Variants in ADAMTSL1 observed in about 807,000 individuals in gnomAD.
The protein encoded by ADAMTSL1 is ADAMTS like 1, also known as ADAMTS-like protein 1.
Under a neutral mutation model 201.8 loss-of-function variants are expected in ADAMTSL1, and 126 were observed. The ratio of observed to expected loss-of-function variants is 0.62; its 90% confidence interval spans 0.54 to 0.72. ADAMTSL1 has a LOEUF of 0.72. Among genes scored for constraint, ADAMTSL1 ranks in the 30% least tolerant of loss-of-function variants. ADAMTSL1 has a pLI of 0.00. For synonymous variants in ADAMTSL1, 1,121 were observed against 903.4 expected (o/e 1.24, Z -4.32); for missense variants, 2,679 against 2,277.8 (o/e 1.18, Z -3.59).
intron 2 of ADAMTSL1, among the ~76,000 whole-genome samples, chr9:18,427,684 A>T (rs1819287338): frequency 6.6e-6 from 1 of 152,234 alleles, no homozygotes; most frequent in Non-Finnish European, 1.5e-5. Flanking sequence ...GCAGGAGCCC[A>T]GGACCTGCCT....
intron 2 of ADAMTSL1, among the ~76,000 whole-genome samples, chr9:18,429,559 A>G (rs999690307): frequency 2.1e-4 from 32 of 152,216 alleles, no homozygotes; most frequent in African/African-American, 6.3e-4. Context: ...ACCCAGAACA[A>G]TGCTTCCAGG....
intron 2 of ADAMTSL1, among the ~76,000 whole-genome samples, chr9:18,227,243 A>C (rs1830464453): frequency 6.6e-6 from 1 of 152,082 alleles, no homozygotes; most frequent in East Asian, 1.9e-4. Context: ...TATATTTTTC[A>C]ACTCAGCAGT....
chr9:18,138,195 G>C, intron 1 of ADAMTSL1, among the ~76,000 whole-genome samples: 1 of 152,160 alleles, frequency 6.6e-6, no homozygotes, highest in Admixed American at 6.6e-5. Context: ...AGTATTAAAT[G>C]AGGCAATATG....
chr9:17,925,832 G>T (rs1371800243), intron 1 of ADAMTSL1, among the ~76,000 whole-genome samples: 5 of 137,226 alleles, frequency 3.6e-5, no homozygotes, highest in African/African-American at 1.3e-4. Flanking sequence ...ATGTGCACAT[G>T]TACCCTAAAA....
chr9:18,834,038 T>C (rs4497057), intron 23 of ADAMTSL1, among the ~76,000 whole-genome samples: 9,152 of 152,264 alleles, frequency 0.06, 315 homozygotes, highest in East Asian at 0.17. Context: ...TTCTGTTCCA[T>C]TGGCCTATGT....
chr9:18,442,361 T>G (rs1310064538), intron 2 of ADAMTSL1, among the ~76,000 whole-genome samples: 1 of 152,228 alleles, frequency 6.6e-6, no homozygotes, highest in Non-Finnish European at 1.5e-5. Context: ...ACTTTCATTC[T>G]CTAACATTTT....
chr9:18,526,823 C>A (rs997803817), intron 2 of ADAMTSL1, among the ~76,000 whole-genome samples: 2 of 152,116 alleles, frequency 1.3e-5, no homozygotes, highest in African/African-American at 4.8e-5. Flanking sequence ...TACTTAAAAT[C>A]CCTTGGTGGG....
At chr9:18,213,983 C>T (rs1009772707) in intron 2 of ADAMTSL1, among the ~76,000 whole-genome samples, 2 of 152,096 alleles carry the variant, frequency 1.3e-5, no homozygotes, top group Non-Finnish European at 2.9e-5. Flanking sequence ...GCAATCTACC[C>T]GCCTGGGCCT....
chr9:18,275,447 A>G (rs1054330699), intron 2 of ADAMTSL1, among the ~76,000 whole-genome samples: 4 of 152,154 alleles, frequency 2.6e-5, no homozygotes, highest in Non-Finnish European at 5.9e-5. Flanking sequence ...CACCAACCAC[A>G]GTCAAGTTTC....
chr9:18,851,851 C>T (rs1563858329), intron 23 of ADAMTSL1, among the ~76,000 whole-genome samples: 1 of 152,208 alleles, frequency 6.6e-6, no homozygotes. Flanking sequence ...ACCATTTTGC[C>T]TCTTAGTGTA....
chr9:18,899,602 A>G (rs1829879701), intron 26 of ADAMTSL1, among the ~76,000 whole-genome samples: 1 of 152,230 alleles, frequency 6.6e-6, no homozygotes, highest in South Asian at 2.1e-4. Context: ...ATATAGACCA[A>G]TGAAACCGAA....
chr9:18,482,012 A>T (rs1160047177), intron 1 of ADAMTSL1, among the ~76,000 whole-genome samples: 1 of 152,196 alleles, frequency 6.6e-6, no homozygotes, highest in Non-Finnish European at 1.5e-5. Flanking sequence ...AAACAAATAG[A>T]TTCCATTTGG....
At chr9:18,902,894 C>G (rs1830090003) in intron 26 of ADAMTSL1, among the ~76,000 whole-genome samples, 1 of 152,102 alleles carries the variant, frequency 6.6e-6, no homozygotes, top group African/African-American at 2.4e-5. Context: ...GGAGACATTA[C>G]TACCAGTCTT....
At chr9:18,583,586 C>G (rs1277184561) in intron 4 of ADAMTSL1, among the ~76,000 whole-genome samples, 3 of 152,178 alleles carry the variant, frequency 2.0e-5, no homozygotes, top group Non-Finnish European at 4.4e-5. Flanking sequence ...GGCCACCATC[C>G]TCCAGACGCA....
intron 1 of ADAMTSL1, among the ~76,000 whole-genome samples, chr9:17,927,149 C>T (rs1460737387): frequency 6.6e-6 from 1 of 152,182 alleles, no homozygotes; most frequent in African/African-American, 2.4e-5. Context: ...GTTGGAATCA[C>T]ACAGTATTTG....
At chr9:18,752,279 T>C (rs1819512975) in intron 15 of ADAMTSL1, among the ~76,000 whole-genome samples, 1 of 152,126 alleles carries the variant, frequency 6.6e-6, no homozygotes, top group African/African-American at 2.4e-5. Flanking sequence ...AGGAAAAGAT[T>C]GAGTGCATAC....
intron 1 of ADAMTSL1, among the ~76,000 whole-genome samples, chr9:17,925,560 A>C (rs1826489692): frequency 8.9e-6 from 1 of 112,430 alleles, no homozygotes; most frequent in African/African-American, 3.0e-5. Flanking sequence ...TTGTAGGGAC[A>C]TGGATGACAT....
chr9:18,035,796 A>G (rs1006015502), intron 1 of ADAMTSL1, among the ~76,000 whole-genome samples: 1 of 152,136 alleles, frequency 6.6e-6, no homozygotes, highest in African/African-American at 2.4e-5. Flanking sequence ...ATATACCCAG[A>G]ATGATGCTGT....
At chr9:18,099,356 T>TATATATATATATATATATATATATATATA (rs60877701) in intron 1 of ADAMTSL1, among the ~76,000 whole-genome samples, 16 of 39,672 alleles carry the variant, frequency 4.0e-4, no homozygotes, top group South Asian at 9.1e-4. Flanking sequence ...TATATATATA[T>TATATATATATATATATATATATATATATA]TTTTTTTTTT....
Sources: allele counts gnomAD v4.1 joint callset (sites outside exome capture counted in the v4.1 genomes callset), GRCh38; gene constraint gnomAD v4.1.1; transcripts MANE v1.5; gene names NCBI Gene and HGNC (gene_info 2026-07-23, HGNC 2026-07-21).